OXR1: variants seen among roughly 807,000 people sequenced by gnomAD.
OXR1 encodes the protein oxidation resistance 1.
In OXR1, 41 loss-of-function variants were observed where a neutral mutation model predicts 104.6. The ratio of observed to expected loss-of-function variants is 0.39; its 90% confidence interval spans 0.31 to 0.51. The LOEUF (loss-of-function observed/expected upper bound fraction) is 0.51. Among genes scored for constraint, OXR1 ranks in the 20% least tolerant of loss-of-function variants. The pLI, the probability that OXR1 is intolerant of heterozygous loss-of-function variation, is 0.77. For missense variants in OXR1, 955 were observed against 1,031.9 expected, an observed-to-expected ratio of 0.93 and a Z score of 1.02; for synonymous variants, 348 against 348.4, an observed-to-expected ratio of 1.00 and a Z score of 0.01.
At chr8:106,280,880 A>G (rs1329016728) in intron 1 of OXR1, among the ~76,000 whole-genome samples, 1 of 152,148 alleles carries the variant, frequency 6.6e-6, no homozygotes, top group Non-Finnish European at 1.5e-5. Context: ...CACAAGGGAA[A>G]TCTGTGCTCA....
intron 2 of OXR1, among the ~76,000 whole-genome samples, chr8:106,454,308 A>G (rs1313041434): frequency 1.3e-5 from 2 of 151,922 alleles, no homozygotes; most frequent in Non-Finnish European, 2.9e-5. Context: ...TAAAATACAA[A>G]AAATTAGCCA....
rs1271096092 is a variant in OXR1, at chr8:106,559,511, C to G, written c.220+40372C>G. Among the ~76,000 whole-genome samples the G allele has an allele frequency of 1.3e-5, 2 of 152,260 alleles. 1 individual carries two copies. Among genetic ancestry groups the G allele is most frequent in the South Asian group, 4.1e-4 (2 of 4,820 alleles). On this transcript the variant is annotated intron_variant, in intron 3 of 16. Coordinates refer to ENST00000517566, the MANE Select transcript of OXR1 (RefSeq NM_001198533.2). ...TACAGTATCTCCCCACTTCTTGGTA[C>G]CAATTTCTGTCTTAATCCACTTGGA...
chr8:106,560,151 C>T (rs1048532037), intron 3 of OXR1, among the ~76,000 whole-genome samples: 1 of 151,970 alleles, frequency 6.6e-6, no homozygotes, highest in African/African-American at 2.4e-5. Context: ...AGCCCAGGAG[C>T]CTATATTTTA....
intron 11 of OXR1, among the ~76,000 whole-genome samples, chr8:106,719,003 T>C (rs1832578311): frequency 6.6e-6 from 1 of 152,150 alleles, no homozygotes; most frequent in African/African-American, 2.4e-5. Context: ...AAAAGAAATA[T>C]GCATTATGAG....
At chr8:106,363,902 A>T (rs886564294) in intron 2 of OXR1, among the ~76,000 whole-genome samples, 6 of 152,200 alleles carry the variant, frequency 3.9e-5, no homozygotes, top group Non-Finnish European at 8.8e-5. Context: ...TGGAAGAAAT[A>T]ACGTTTCTGC....
chr8:106,423,209 A>G (rs1818973453), intron 2 of OXR1, among the ~76,000 whole-genome samples: 1 of 152,174 alleles, frequency 6.6e-6, no homozygotes, highest in Non-Finnish European at 1.5e-5. Context: ...ACAGAGAAAA[A>G]CATTTCAAAA....
At chr8:106,681,348 A>G (rs999593564) in intron 4 of OXR1, among the ~76,000 whole-genome samples, 1 of 152,188 alleles carries the variant, frequency 6.6e-6, no homozygotes, top group African/African-American at 2.4e-5. Context: ...GGATGTAGGC[A>G]GAACTAGATT....
At chr8:106,283,752 AC>A (rs1392201456) in intron 1 of OXR1, among the ~76,000 whole-genome samples, 1 of 152,122 alleles carries the variant, frequency 6.6e-6, no homozygotes, top group African/African-American at 2.4e-5. Flanking sequence ...TGACTCCCTG[AC>A]AGGAAGTTTT....
intron 3 of OXR1, among the ~76,000 whole-genome samples, chr8:106,601,463 A>G (rs1303702007): frequency 1.3e-5 from 2 of 152,196 alleles, no homozygotes; most frequent in Non-Finnish European, 2.9e-5. Context: ...TTTTCCTTGT[A>G]TCCTCACATG....
chr8:106,576,456 C>A (rs1340497656), intron 3 of OXR1, among the ~76,000 whole-genome samples: 6 of 112,792 alleles, frequency 5.3e-5, no homozygotes, highest in African/African-American at 6.9e-5. Flanking sequence ...ATAATGGTAG[C>A]ACAGTTATTC....
intron 1 of OXR1, among the ~76,000 whole-genome samples, chr8:106,276,195 G>C (rs571381819): frequency 1.4e-4 from 22 of 152,208 alleles, no homozygotes; most frequent in Non-Finnish European, 2.9e-4. Context: ...ACAGTAATAG[G>C]TGCAGGCTGT....
intron 1 of OXR1, among the ~76,000 whole-genome samples, chr8:106,312,215 A>G (rs1331659645): frequency 6.6e-6 from 1 of 152,224 alleles, no homozygotes; most frequent in Non-Finnish European, 1.5e-5. Context: ...CTTGTGCAGT[A>G]GTTAACAATC....
chr8:106,400,381 G>A (rs949485099), intron 2 of OXR1, among the ~76,000 whole-genome samples: 1 of 151,832 alleles, frequency 6.6e-6, no homozygotes, highest in Non-Finnish European at 1.5e-5. Flanking sequence ...AACTCCATTG[G>A]GTTTTGTTAT....
At chr8:106,582,920 C>T (rs928513382) in intron 3 of OXR1, among the ~76,000 whole-genome samples, 3 of 152,212 alleles carry the variant, frequency 2.0e-5, no homozygotes, top group Non-Finnish European at 2.9e-5. Context: ...ACCCTCCCCA[C>T]AGTGTTCAGC....
intron 1 of OXR1, among the ~76,000 whole-genome samples, chr8:106,354,019 A>C (rs530603860): frequency 1.5e-4 from 23 of 152,144 alleles, no homozygotes; most frequent in African/African-American, 5.5e-4. Flanking sequence ...GGCTGATTTT[A>C]GCGTACTATC....
At chr8:106,567,584 A>G (rs1317632489) in intron 3 of OXR1, among the ~76,000 whole-genome samples, 1 of 152,158 alleles carries the variant, frequency 6.6e-6, no homozygotes, top group Non-Finnish European at 1.5e-5. Flanking sequence ...TTACTGTAAT[A>G]CCAAATACAA....
rs760744812 is a variant in OXR1, at chr8:106,716,630, CAAAAAAAAAAAAAAAAAAAA to C, written c.1956+2657_1956+2676del. ...TGGGCGACAGAGCGAGACTCCGTCT[CAAAAAAAAAAAAAAAAAAAA>C]AAAAAAAAAAATACACACTGGATTT... On this transcript the variant is annotated intron_variant, in intron 11 of 16. Coordinates refer to ENST00000517566, the MANE Select transcript of OXR1 (RefSeq NM_001198533.2). Among the ~76,000 whole-genome samples the C allele has an allele frequency of 4.2e-5, 3 of 71,368 alleles. 1 individual carries two copies. In the Admixed American group the frequency reaches 5.8e-4, roughly 14 times the overall value. The allele number at this position is 71,368 out of a possible 152,430, so 46.8% of individuals were successfully genotyped here.
chr8:106,584,947 G>A (rs1818520550), intron 3 of OXR1, among the ~76,000 whole-genome samples: 1 of 151,988 alleles, frequency 6.6e-6, no homozygotes, highest in Non-Finnish European at 1.5e-5. Flanking sequence ...TATTTTACAA[G>A]TCAATTAGAA....
intron 1 of OXR1, among the ~76,000 whole-genome samples, chr8:106,299,842 T>C (rs530139473): frequency 6.6e-6 from 1 of 152,200 alleles, no homozygotes; most frequent in South Asian, 2.1e-4. Context: ...AAAAAACACA[T>C]TGATGAAGGA....
Sources: allele counts gnomAD v4.1 joint callset (sites outside exome capture counted in the v4.1 genomes callset), GRCh38; gene constraint gnomAD v4.1.1; transcripts MANE v1.5; gene names NCBI Gene and HGNC (gene_info 2026-07-23, HGNC 2026-07-21).